Variants in MYO6 observed in about 807,000 individuals in gnomAD.
MYO6 encodes the protein myosin VI.
Under a neutral mutation model 178.7 loss-of-function variants are expected in MYO6, and 74 were observed. The ratio of observed to expected loss-of-function variants is 0.41; its 90% CI spans 0.34 to 0.50. The LOEUF is 0.50. MYO6 is among the 20% of genes least tolerant of loss of function. MYO6 has a pLI of 0.09. For missense variants in MYO6, 1,330 were observed against 1,547.4 expected, an observed-to-expected ratio of 0.86 and a Z score of 2.36; for synonymous variants, 477 against 504.6, an observed-to-expected ratio of 0.95 and a Z score of 0.73.
At chr6:75,816,449 C>T (rs1771256188) in intron 1 of MYO6, among the ~76,000 whole-genome samples, 1 of 152,212 alleles carries the variant, frequency 6.6e-6, no homozygotes, top group African/African-American at 2.4e-5. Context: ...TCAAGCAGTC[C>T]TCCTGCCTCG....
chr6:75,866,280 T>TGTGTGTGG lies in MYO6; in HGVS notation c.1675-239_1675-238insGGTGTGTG, dbSNP rs562112068. ...CTCCGTCTCTGTCTCTGTCTCTGTG[T>TGTGTGTGG]GTGTGTGTGTGTGTGTGTGTGTGTG... On this transcript the variant is annotated intron_variant, in intron 16 of 34. Coordinates refer to ENST00000369977, the MANE Select transcript of MYO6 (RefSeq NM_004999.4). Among the ~76,000 whole-genome samples, 2,694 of 148,888 alleles carry TGTGTGTGG rather than the reference T, an allele frequency of 0.018. 71 individuals carry two copies. Among genetic ancestry groups the TGTGTGTGG allele is most frequent in the African/African-American group, 0.061 (2,433 of 40,186 alleles).
intron 3 of MYO6, among the ~76,000 whole-genome samples, chr6:75,824,845 C>T (rs1197996174): frequency 2.7e-5 from 4 of 150,910 alleles, no homozygotes; most frequent in South Asian, 2.1e-4. Context: ...CTGCAACCTT[C>T]GCCTCCCGGG....
At chr6:75,889,521 C>T (rs150621064) in intron 25 of MYO6, among the ~76,000 whole-genome samples, 1 of 152,154 alleles carries the variant, frequency 6.6e-6, no homozygotes, top group African/African-American at 2.4e-5. Flanking sequence ...AATTCTCCTG[C>T]CTCAGCCTCC....
intron 1 of MYO6, among the ~76,000 whole-genome samples, chr6:75,778,640 G>A (rs1453589801): frequency 2.6e-5 from 4 of 151,462 alleles, no homozygotes; most frequent in Non-Finnish European, 4.4e-5. Context: ...CTAATTTCCC[G>A]AAGAGAAAAA....
chr6:75,902,619 T>C (rs1409394233), intron 30 of MYO6, among the ~76,000 whole-genome samples: 2 of 152,048 alleles, frequency 1.3e-5, no homozygotes, highest in Non-Finnish European at 2.9e-5. Context: ...TCTCTCTTTT[T>C]TTCTTTATTA....
chr6:75,809,702 G>T (rs192675889), intron 1 of MYO6, among the ~76,000 whole-genome samples: 3 of 151,934 alleles, frequency 2.0e-5, no homozygotes, highest in Non-Finnish European at 4.4e-5. Flanking sequence ...TTTCTGATTG[G>T]CCGTTGAAAG....
intron 7 of MYO6, among the ~76,000 whole-genome samples, chr6:75,839,237 G>A (rs1241424446): frequency 6.6e-6 from 1 of 151,862 alleles, no homozygotes; most frequent in African/African-American, 2.4e-5. Context: ...CTCCCAGGCT[G>A]GAGTGCAGTG....
chr6:75,902,924 T>C lies in MYO6; in HGVS notation c.3176+4513T>C, dbSNP rs1455811377. Reference sequence around the variant, plus strand: ...GCGTCCCAGAGATTCTGGTATGTTGTGTCTTTGTTCTCGTTGGTTTCAAAG... The same window carrying C: ...GCGTCCCAGAGATTCTGGTATGTTGCGTCTTTGTTCTCGTTGGTTTCAAAG... On this transcript the variant is annotated intron_variant, in intron 30 of 34. Transcript: ENST00000369977. 9.5e-4 allele frequency among the ~76,000 whole-genome samples: 145 copies of C among 152,212 alleles called. 2 individuals carry two copies. The South Asian group carries it at 0.025, about 26-fold the overall frequency.
At chr6:75,772,777 C>T (rs1353072278) in intron 1 of MYO6, among the ~76,000 whole-genome samples, 1 of 152,088 alleles carries the variant, frequency 6.6e-6, no homozygotes, top group Non-Finnish European at 1.5e-5. Context: ...TCTTGATTTT[C>T]TGTAGGATGG....
intron 1 of MYO6, among the ~76,000 whole-genome samples, chr6:75,791,421 A>C (rs1583088696): frequency 6.6e-6 from 1 of 152,320 alleles, no homozygotes; most frequent in East Asian, 1.9e-4. Flanking sequence ...AATTTTAATG[A>C]TTTCTAACCA....
At chr6:75,807,577 C>G (rs1454408627) in intron 1 of MYO6, among the ~76,000 whole-genome samples, 2 of 152,052 alleles carry the variant, frequency 1.3e-5, no homozygotes, top group Non-Finnish European at 2.9e-5. Context: ...GGGTCCTGAT[C>G]CAGACCCCAA....
Position 75,817,556 on chromosome 6 carries a change from T to C in MYO6, c.9T>C (p.Asp3=). 1.9e-6 allele frequency: 3 copies of C among 1,614,148 alleles called. No individual in the cohort carries two copies. Among genetic ancestry groups the C allele is most frequent in the South Asian group, 1.1e-5 (1 of 91,088 alleles). The change falls in exon 2 of 35, where the codon GAT becomes GAC. Residue 3 remains aspartate, a synonymous_variant. Transcript: ENST00000369977. ME[D]GKPVWAPHPT... is the part of the protein sequence containing the mutation. Reference sequence around the variant, plus strand: ...TGGATCCTCCTTCAAAAATGGAGGATGGAAAGCCCGTTTGGGCGCCACACC... The same window carrying C: ...TGGATCCTCCTTCAAAAATGGAGGACGGAAAGCCCGTTTGGGCGCCACACC...
chr6:75,864,144 A>G (rs942760295), intron 16 of MYO6, among the ~76,000 whole-genome samples: 1 of 152,210 alleles, frequency 6.6e-6, no homozygotes, highest in Non-Finnish European at 1.5e-5. Context: ...GGAATTAGGG[A>G]ACTAATAGGC....
chr6:75,810,071 G>A (rs1204182909), intron 1 of MYO6, among the ~76,000 whole-genome samples: 5 of 136,634 alleles, frequency 3.7e-5, no homozygotes, highest in African/African-American at 1.5e-4. Context: ...GCAACAAAGT[G>A]AGACTCTGTC....
Position 75,891,307 on chromosome 6 carries a change from G to A in MYO6, c.2946+1G>A, listed in dbSNP as rs746839890. ...GGAAGATGATGAAAAACGCATTCAAGTATGTACTTACTGGGTTGAATTTCT... is the reference window on the plus strand; with the variant it reads ...GGAAGATGATGAAAAACGCATTCAAATATGTACTTACTGGGTTGAATTTCT... On this transcript the variant is annotated splice_donor_variant, in intron 27 of 34. Coordinates refer to ENST00000369977, the MANE Select transcript of MYO6 (RefSeq NM_004999.4). LOFTEE classifies it high-confidence loss of function. The A allele has an allele frequency of 6.3e-7, 1 of 1,599,324 alleles. No homozygotes were observed. Among genetic ancestry groups the A allele is most frequent in the Non-Finnish European group, 8.6e-7 (1 of 1,169,454 alleles).
intron 28 of MYO6, among the ~76,000 whole-genome samples, chr6:75,893,238 A>G (rs1027521265): frequency 6.6e-6 from 1 of 152,116 alleles, no homozygotes. Flanking sequence ...TTTCTGAATT[A>G]TCTCTAAGCA....
chr6:75,902,978 T>C (rs1423022777), intron 30 of MYO6, among the ~76,000 whole-genome samples: 1 of 151,690 alleles, frequency 6.6e-6, no homozygotes, highest in Non-Finnish European at 1.5e-5. Context: ...TTCATTTTGT[T>C]ATGTACCCAG....
Position 75,866,527 on chromosome 6 carries a change from T to A in MYO6, c.1676T>A (p.Ile559Asn). ...ACTCATATATGTATTGTTTTTCAGA[T>A]TCCCAGAAAATCTAAGCTGGCAGTT... ...QKHKDHFRLT[I>N]PRKSKLAVHR... Residue 559 changes from isoleucine (I) to asparagine (N), a missense_variant and splice_region_variant, in exon 17 of 35, where the codon ATT becomes AAT. Coordinates refer to ENST00000369977, the MANE Select transcript of MYO6 (RefSeq NM_004999.4). 1.2e-6 allele frequency: 2 copies of A among 1,611,502 alleles called. No homozygotes were observed. The highest frequency in any genetic ancestry group is 1.7e-6 in the Non-Finnish European group (2 of 1,177,638).
chr6:75,799,448 T>C (rs1356893236), intron 1 of MYO6, among the ~76,000 whole-genome samples: 1 of 151,914 alleles, frequency 6.6e-6, no homozygotes, highest in East Asian at 1.9e-4. Context: ...ACACCTAGGT[T>C]AAGGAAGAAC....
Sources: gnomAD v4.1 joint callset for allele counts (sites outside exome capture counted in the v4.1 genomes callset) on GRCh38, gnomAD v4.1.1 for gene constraint, MANE v1.5 for transcripts, NCBI Gene and HGNC (gene_info 2026-07-23, HGNC 2026-07-21) for gene names.